PCDH15: variants seen among roughly 807,000 people sequenced by gnomAD.
The protein encoded by PCDH15 is protocadherin related 15, also known as protocadherin-15.
In PCDH15, 129 loss-of-function variants were observed where a neutral mutation model predicts 178.5. The observed-to-expected ratio is 0.72, with a 90% CI of 0.63 to 0.84. The LOEUF (loss-of-function observed/expected upper bound fraction) is 0.84. Among genes scored for constraint, PCDH15 ranks in the 40% least tolerant of loss-of-function variants. The pLI, the probability that PCDH15 is intolerant of heterozygous loss-of-function variation, is 0.00. For missense variants in PCDH15, 2,230 were observed against 2,099.9 expected, an observed-to-expected ratio of 1.06 and a Z score of -1.21; for synonymous variants, 800 against 732.0, an observed-to-expected ratio of 1.09 and a Z score of -1.50.
intron 21 of PCDH15, chr10:53,994,486 A>C (rs2091724013): frequency 6.6e-6 from 1 of 152,202 alleles, no homozygotes; most frequent in South Asian, 2.1e-4. Context: ...TTGGTGCTAA[A>C]AACACATATG....
chr10:54,937,861 C>T (rs1015604603), intron 2 of PCDH15, among the ~76,000 whole-genome samples: 1 of 152,004 alleles, frequency 6.6e-6, no homozygotes, highest in Non-Finnish European at 1.5e-5. Flanking sequence ...ACTACCTTGT[C>T]TAGAACTTTG....
chr10:54,710,801 C>G (rs2095421174), intron 1 of PCDH15, among the ~76,000 whole-genome samples: 1 of 151,872 alleles, frequency 6.6e-6, no homozygotes, highest in African/African-American at 2.4e-5. Flanking sequence ...CTTGATGACT[C>G]AACTTTTTGG....
chr10:54,594,639 C>A (rs2092102836), intron 2 of PCDH15, among the ~76,000 whole-genome samples: 1 of 152,190 alleles, frequency 6.6e-6, no homozygotes, highest in Admixed American at 6.5e-5. Context: ...GCACTCGCTG[C>A]CAGCGATCCC....
chr10:55,116,809 G>A (rs1018584265), intron 2 of PCDH15, among the ~76,000 whole-genome samples: 1 of 152,126 alleles, frequency 6.6e-6, no homozygotes, highest in Admixed American at 6.5e-5. Flanking sequence ...GACTATGAAA[G>A]AATTAACTGG....
At chr10:54,603,437 A>AT (rs899443671) in intron 2 of PCDH15, among the ~76,000 whole-genome samples, 3 of 145,378 alleles carry the variant, frequency 2.1e-5, no homozygotes, top group South Asian at 4.3e-4. Flanking sequence ...GTTAGTATGT[A>AT]TTTTTTTCTG....
rs569153688 is a variant in PCDH15, at chr10:55,402,714, A to G, written c.-156+224911T>C. On this transcript the variant is annotated intron_variant, in intron 2 of 5. Coordinates refer to the PCDH15 transcript ENST00000613346. Reference sequence around the variant, plus strand: ...TATATAAACCATATATTGTTTTTCCATTTATCTATTCATGGACACTTAGGT... The same window carrying G: ...TATATAAACCATATATTGTTTTTCCGTTTATCTATTCATGGACACTTAGGT... 3.0e-4 allele frequency among the ~76,000 whole-genome samples: 46 copies of G among 152,040 alleles called. 1 individual carries two copies. Among genetic ancestry groups the G allele is most frequent in the Admixed American group, 2.8e-3 (42 of 15,222 alleles).
intron 8 of PCDH15, among the ~76,000 whole-genome samples, chr10:54,316,529 T>TACACAC (rs35604056): frequency 1.5e-3 from 193 of 132,284 alleles, no homozygotes; most frequent in Middle Eastern, 4.3e-3. Context: ...AATATGTGTA[T>TACACAC]ACACACACAC....
chr10:55,045,320 G>T (rs10740610), intron 2 of PCDH15, among the ~76,000 whole-genome samples: 84,776 of 151,810 alleles, frequency 0.56, 24,126 homozygotes, highest in East Asian at 0.75. Context: ...CCAATAAACA[G>T]TTTCTTAGGT....
At chr10:54,998,299 T>C (rs2131926257) in intron 2 of PCDH15, among the ~76,000 whole-genome samples, 1 of 152,230 alleles carries the variant, frequency 6.6e-6, no homozygotes, top group Non-Finnish European at 1.5e-5. Context: ...TCTGTGTGTC[T>C]ATCTTCATGG....
intron 13 of PCDH15, among the ~76,000 whole-genome samples, chr10:54,163,601 C>T (rs2045929187): frequency 6.6e-6 from 1 of 152,060 alleles, no homozygotes; most frequent in Admixed American, 6.6e-5. Flanking sequence ...AGAGCCAAAC[C>T]AAACCGAGGA....
At chr10:55,413,604 G>A (rs903871020) in intron 2 of PCDH15, among the ~76,000 whole-genome samples, 1 of 151,442 alleles carries the variant, frequency 6.6e-6, no homozygotes, top group African/African-American at 2.4e-5. Context: ...AAGAGACTCA[G>A]TTATTCAAAT....
chr10:54,547,365 T>C (rs1490199598), intron 2 of PCDH15, among the ~76,000 whole-genome samples: 1 of 152,102 alleles, frequency 6.6e-6, no homozygotes, highest in African/African-American at 2.4e-5. Context: ...AGACACACAA[T>C]AGAGTATCTG....
At chr10:54,821,590 T>C (rs1439263504) in intron 3 of PCDH15, among the ~76,000 whole-genome samples, 1 of 152,094 alleles carries the variant, frequency 6.6e-6, no homozygotes, top group Non-Finnish European at 1.5e-5. Flanking sequence ...ATAAAACACA[T>C]TTTTCTTATA....
intron 25 of PCDH15, among the ~76,000 whole-genome samples, chr10:53,931,431 C>G (rs769767874): frequency 1.3e-5 from 2 of 152,134 alleles, no homozygotes; most frequent in Non-Finnish European, 2.9e-5. Context: ...ATGCATTGGA[C>G]AAATCTTTAT....
intron 3 of PCDH15, among the ~76,000 whole-genome samples, chr10:54,501,772 T>C (rs12248250): frequency 0.058 from 8,824 of 152,124 alleles, 298 homozygotes; most frequent in South Asian, 0.1. Context: ...AGTATATAAT[T>C]ATATATGATT....
chr10:55,076,778 T>G (rs2132020365), intron 2 of PCDH15, among the ~76,000 whole-genome samples: 1 of 144,438 alleles, frequency 6.9e-6, no homozygotes, highest in South Asian at 2.3e-4. Flanking sequence ...TTTTTTTTTT[T>G]TTTTTTTTTG....
At chr10:53,843,967 C>A (rs2077815797) in intron 28 of PCDH15, among the ~76,000 whole-genome samples, 1 of 152,004 alleles carries the variant, frequency 6.6e-6, no homozygotes, top group South Asian at 2.1e-4. Context: ...AGTAACAGAT[C>A]ATGGATTGAT....
intron 2 of PCDH15, among the ~76,000 whole-genome samples, chr10:55,527,855 G>GT (rs1488388656): frequency 1.3e-5 from 2 of 151,926 alleles, no homozygotes; most frequent in African/African-American, 4.8e-5. Flanking sequence ...AATAGGTATT[G>GT]TTTTTTCTTC....
At chr10:54,386,259 G>A (rs1161397482) in intron 3 of PCDH15, among the ~76,000 whole-genome samples, 3 of 149,528 alleles carry the variant, frequency 2.0e-5, no homozygotes. Context: ...GATAGCTGAT[G>A]AGTTACAAAA....
Sources: allele counts gnomAD v4.1 joint callset (sites outside exome capture counted in the v4.1 genomes callset), GRCh38; gene constraint gnomAD v4.1.1; transcripts MANE v1.5; gene names NCBI Gene and HGNC (gene_info 2026-07-23, HGNC 2026-07-21).